MAD1L1: variants seen among roughly 807,000 people sequenced by gnomAD.
MAD1L1 encodes the protein mitotic arrest deficient 1 like 1, also known as mitotic spindle assembly checkpoint protein MAD1.
A neutral mutation model predicts 96.9 loss-of-function variants in MAD1L1; 95 were observed. The ratio of observed to expected loss-of-function variants is 0.98; its 90% confidence interval spans 0.83 to 1.16. The LOEUF is 1.16. Ranked by LOEUF, MAD1L1 falls within the 50% of genes most tolerant of loss-of-function variation. The pLI is 0.00. For missense variants in MAD1L1, 1,007 were observed against 954.4 expected, an observed-to-expected ratio of 1.06 and a Z score of -0.73; for synonymous variants, 473 against 396.6, an observed-to-expected ratio of 1.19 and a Z score of -2.29.
At chr7:1,961,882 A>G (rs541849492) in intron 15 of MAD1L1, among the ~76,000 whole-genome samples, 17 of 139,472 alleles carry the variant, frequency 1.2e-4, no homozygotes, top group South Asian at 2.3e-4. Context: ...TGGGAGGGAC[A>G]TGGTGGGAGA....
At chr7:1,825,330 C>T (rs1050583986) in intron 18 of MAD1L1, among the ~76,000 whole-genome samples, 23 of 152,180 alleles carry the variant, frequency 1.5e-4, no homozygotes, top group African/African-American at 5.3e-4. Context: ...GCTGCCCACC[C>T]ACCTGCCCCA....
At chr7:1,870,962 T>G (rs1785047978) in intron 18 of MAD1L1, among the ~76,000 whole-genome samples, 1 of 144,920 alleles carries the variant, frequency 6.9e-6, no homozygotes, top group African/African-American at 2.6e-5. Context: ...CCGTAACACC[T>G]GCCACGCTGA....
chr7:1,946,268 C>A (rs1197538943), intron 16 of MAD1L1, among the ~76,000 whole-genome samples: 3 of 152,196 alleles, frequency 2.0e-5, no homozygotes, highest in Admixed American at 6.5e-5. Flanking sequence ...GGGGAGAAGC[C>A]CCTCCAGTGC....
At chr7:2,214,477 G>A (rs373290543) in intron 9 of MAD1L1, among the ~76,000 whole-genome samples, 7 of 152,138 alleles carry the variant, frequency 4.6e-5, no homozygotes, top group East Asian at 1.9e-4. Context: ...GAGACGCCAC[G>A]CCACCCAAGG....
intron 14 of MAD1L1, among the ~76,000 whole-genome samples, chr7:1,981,562 ACCTTGTTCCCACCAGT>A (rs1435129299): frequency 3.3e-5 from 5 of 152,078 alleles, no homozygotes; most frequent in African/African-American, 4.8e-5. Context: ...CCAAGTCAGA[ACCTTGTTCCCACCAGT>A]CCTGACCCAC....
intron 18 of MAD1L1, among the ~76,000 whole-genome samples, chr7:1,817,977 T>G (rs1284093113): frequency 7.3e-6 from 1 of 137,614 alleles, no homozygotes; most frequent in Admixed American, 7.7e-5. Context: ...GCCGTCCCCG[T>G]GCCCTCCCCC....
chr7:1,980,669 A>C (rs552414242), intron 14 of MAD1L1, 128 bp from the exon 15 acceptor site: 10 of 752,556 alleles, frequency 1.3e-5, no homozygotes, highest in Non-Finnish European at 2.4e-5. Context: ...TGCGGGAGAG[A>C]CCTCTCTCCT....
chr7:2,095,255 G>A (rs776115319), intron 11 of MAD1L1, among the ~76,000 whole-genome samples: 10 of 152,022 alleles, frequency 6.6e-5, no homozygotes, highest in Non-Finnish European at 1.2e-4. Flanking sequence ...CATGTTAGCC[G>A]GGATGGTCTC....
intron 16 of MAD1L1, among the ~76,000 whole-genome samples, chr7:1,955,199 T>A (rs955332168): frequency 5.3e-5 from 8 of 152,266 alleles, no homozygotes; most frequent in Admixed American, 1.3e-4. Context: ...AGACTGCAGC[T>A]GATTTTAATC....
In MAD1L1 at chr7:2,091,808, G is replaced by T. The variant is rs189297074; in HGVS notation, c.1074-22470C>A. ...AAAAAAAAGATTCATCTATGTTGTT[G>T]TATGATCGATACCTTGTCCCATTCT... On this transcript the variant is annotated intron_variant, in intron 11 of 18. Transcript: ENST00000265854. 2.0e-5 allele frequency among the ~76,000 whole-genome samples: 3 copies of T among 151,826 alleles called. 1 individual carries two copies. Among genetic ancestry groups the T allele is most frequent in the Non-Finnish European group, 4.4e-5 (3 of 67,912 alleles).
intron 18 of MAD1L1, chr7:1,854,353 G>T: frequency 2.1e-6 from 1 of 471,686 alleles, no homozygotes; most frequent in Non-Finnish European, 4.2e-6. Flanking sequence ...CCCGCTGTGG[G>T]GGAACCTACC....
At chr7:2,011,132 C>G (rs940218611) in intron 13 of MAD1L1, among the ~76,000 whole-genome samples, 4 of 152,110 alleles carry the variant, frequency 2.6e-5, no homozygotes, top group African/African-American at 9.7e-5. Flanking sequence ...GATGGCGGCC[C>G]CCCACCCCCC....
intron 14 of MAD1L1, among the ~76,000 whole-genome samples, chr7:1,986,444 G>A (rs1054944600): frequency 5.6e-5 from 8 of 142,632 alleles, no homozygotes; most frequent in African/African-American, 2.0e-4. Flanking sequence ...GTCAGGGGCC[G>A]CCTCTCGCAA....
At chr7:1,864,609 C>T (rs1406893739) in intron 18 of MAD1L1, among the ~76,000 whole-genome samples, 1 of 152,244 alleles carries the variant, frequency 6.6e-6, no homozygotes, top group Non-Finnish European at 1.5e-5. Flanking sequence ...TGCAGCGGTG[C>T]CCTTCCCCCA....
chr7:2,094,359 C>T (rs975262915), intron 11 of MAD1L1, among the ~76,000 whole-genome samples: 7 of 152,186 alleles, frequency 4.6e-5, no homozygotes, highest in African/African-American at 1.7e-4. Context: ...AGAGGATGCC[C>T]GAGCACCCCT....
chr7:1,960,769 A>T (rs978496405), intron 15 of MAD1L1, among the ~76,000 whole-genome samples: 2 of 152,160 alleles, frequency 1.3e-5, no homozygotes, highest in African/African-American at 4.8e-5. Context: ...GAGGACAAGG[A>T]CCACATGATC....
At chr7:1,860,365 GTGT>G (rs2128646929) in intron 18 of MAD1L1, among the ~76,000 whole-genome samples, 1 of 73,616 alleles carries the variant, frequency 1.4e-5, no homozygotes, top group Admixed American at 1.8e-4. Flanking sequence ...GGCGGCCTCT[GTGT>G]CCCTAGACTT....
At position 1,947,911 on chromosome 7, in the gene MAD1L1, G is replaced by C. The variant is rs532929239; in HGVS notation, c.1596+9718C>G. ...CCTATTCCAGGAAAGCAGCTCCCAA[G>C]CAGGTAGAGGCACATGGATGGGAGA... On this transcript the variant is annotated intron_variant, in intron 16 of 18. Transcript: ENST00000265854. Among the ~76,000 whole-genome samples the C allele has an allele frequency of 2.0e-5, 3 of 152,294 alleles. No homozygotes were observed. In the South Asian group the frequency reaches 6.2e-4, roughly 32 times the overall value.
At chr7:1,869,125 C>A (rs11976242) in intron 18 of MAD1L1, among the ~76,000 whole-genome samples, 75 of 152,278 alleles carry the variant, frequency 4.9e-4, no homozygotes, top group African/African-American at 1.7e-3. Flanking sequence ...ACGATCCATG[C>A]CCAGGCACCA....
Sources: gnomAD v4.1 joint callset for allele counts (sites outside exome capture counted in the v4.1 genomes callset) on GRCh38, gnomAD v4.1.1 for gene constraint, MANE v1.5 for transcripts, NCBI Gene and HGNC (gene_info 2026-07-23, HGNC 2026-07-21) for gene names.